Variants in TAFA5 observed in about 807,000 individuals in gnomAD.
TAFA5 encodes the protein TAFA chemokine like family member 5.
TAFA5 carries 6 observed loss-of-function variants against 15.3 expected under a neutral mutation model. The observed-to-expected ratio is 0.39, with a 90% CI of 0.21 to 0.77. The LOEUF is 0.77. Among genes scored for constraint, TAFA5 ranks in the 30% least tolerant of loss-of-function variants. The probability of loss-of-function intolerance (pLI) is 0.41; values close to 1 mark genes in which losing one functional copy is unlikely to be tolerated. For missense variants in TAFA5, 161 were observed against 193.1 expected, an observed-to-expected ratio of 0.83 and a Z score of 0.98; for synonymous variants, 103 against 80.7, an observed-to-expected ratio of 1.28 and a Z score of -1.48.
chr22:48,621,327 C>T (rs988427727), intron 1 of TAFA5, among the ~76,000 whole-genome samples: 1 of 151,162 alleles, frequency 6.6e-6, no homozygotes, highest in Non-Finnish European at 1.5e-5. Flanking sequence ...CCCACCCATC[C>T]ATCATCCATC....
At chr22:48,740,348 G>A (rs1225788697) in intron 3 of TAFA5, among the ~76,000 whole-genome samples, 2 of 152,208 alleles carry the variant, frequency 1.3e-5, no homozygotes, top group Admixed American at 6.5e-5. Flanking sequence ...CATTGGCTGC[G>A]TGGCTCTGAG....
At chr22:48,673,795 G>A (rs1927877229) in intron 2 of TAFA5, among the ~76,000 whole-genome samples, 1 of 152,160 alleles carries the variant, frequency 6.6e-6, no homozygotes, top group Non-Finnish European at 1.5e-5. Context: ...TGGAGCTGTG[G>A]TCCACACAGA....
At chr22:48,708,582 C>T (rs1325406993) in intron 3 of TAFA5, among the ~76,000 whole-genome samples, 1 of 152,210 alleles carries the variant, frequency 6.6e-6, no homozygotes, top group Non-Finnish European at 1.5e-5. Context: ...GCATGGGGCT[C>T]GGGGCATTCC....
intron 1 of TAFA5, among the ~76,000 whole-genome samples, chr22:48,594,513 A>G (rs28453811): frequency 0.44 from 67,111 of 152,076 alleles, 15,471 homozygotes; most frequent in Non-Finnish European, 0.51. Flanking sequence ...TCTCAGGGAC[A>G]TAGCCTGAAA....
Position 48,598,901 on chromosome 22 carries a change from C to T in TAFA5, c.113-47696C>T, listed in dbSNP as rs149712658. The stretch of plus-strand genomic sequence containing the variant: ...TTTCCACCACCCTCTCCTGGCATTC[C>T]GTCATTTGCGAGAATGGCCCACAAT... On this transcript the variant is annotated intron_variant, in intron 1 of 3. Coordinates refer to ENST00000402357, the MANE Select transcript of TAFA5 (RefSeq NM_001082967.3). This position sits in a 1 kb window ranked among gnomAD's most constrained non-coding sequence, Gnocchi z 4.0. Among the ~76,000 whole-genome samples the T allele has an allele frequency of 1.1e-4, 16 of 152,210 alleles. No individual in the cohort carries two copies. The East Asian group carries it at 1.4e-3, about 13-fold the overall frequency.
At chr22:48,717,089 T>C (rs1330969333) in intron 3 of TAFA5, among the ~76,000 whole-genome samples, 1 of 152,156 alleles carries the variant, frequency 6.6e-6, no homozygotes, top group Non-Finnish European at 1.5e-5. Flanking sequence ...AATGAATGAA[T>C]ACAGTCGCAT....
intron 2 of TAFA5, among the ~76,000 whole-genome samples, chr22:48,674,651 A>G (rs1382856047): frequency 1.3e-5 from 2 of 151,232 alleles, no homozygotes. Context: ...AACACGTCAC[A>G]AAGGCAGGGA....
At chr22:48,511,198 T>A (rs1332826982) in intron 1 of TAFA5, among the ~76,000 whole-genome samples, 1 of 152,182 alleles carries the variant, frequency 6.6e-6, no homozygotes, top group Non-Finnish European at 1.5e-5. Context: ...CGCTTCTTCT[T>A]CATGTGTGGA....
chr22:48,572,253 GT>G (rs775002609), intron 1 of TAFA5, among the ~76,000 whole-genome samples: 1 of 152,206 alleles, frequency 6.6e-6, no homozygotes, highest in Non-Finnish European at 1.5e-5. Context: ...AAAGGTTGAA[GT>G]GTGTGTAGTG....
rs547459641 is a variant in TAFA5, at chr22:48,553,709, C to A, written c.112+64005C>A. ...GTGGTGCAGGCCCGTCTGCCTCCCA[C>A]GGCTCTCTCTCCGGGCTGGTGGTGC... On this transcript the variant is annotated intron_variant, in intron 1 of 3. Transcript: ENST00000402357. 3.9e-5 allele frequency among the ~76,000 whole-genome samples: 6 copies of A among 152,226 alleles called. No homozygotes were observed. In the East Asian group the frequency reaches 5.8e-4, roughly 15 times the overall value.
At chr22:48,648,353 C>G (rs16999638) in intron 2 of TAFA5, among the ~76,000 whole-genome samples, 2,482 of 152,252 alleles carry the variant, frequency 0.016, 29 homozygotes, top group South Asian at 0.057. Flanking sequence ...AACTTCGGAT[C>G]CCACCGCCTC....
At position 48,550,597 on chromosome 22, in the gene TAFA5, G is replaced by A. The variant is rs1461724575; in HGVS notation, c.112+60893G>A. ...ACCCTCATCCCACGGTTCCTAGCAGGTTCCATCGCCTTCCGCACTTGATGC... is the reference window on the plus strand; with the variant it reads ...ACCCTCATCCCACGGTTCCTAGCAGATTCCATCGCCTTCCGCACTTGATGC... On this transcript the variant is annotated intron_variant, in intron 1 of 3. Coordinates refer to ENST00000402357, the MANE Select transcript of TAFA5 (RefSeq NM_001082967.3). This position sits in a 1 kb window ranked among gnomAD's most constrained non-coding sequence, Gnocchi z 4.1. 2.6e-5 allele frequency among the ~76,000 whole-genome samples: 4 copies of A among 152,164 alleles called. No individual in the cohort carries two copies. The highest frequency in any genetic ancestry group is 4.4e-5 in the Non-Finnish European group (3 of 68,026).
At chr22:48,631,204 C>T (rs1014997828) in intron 1 of TAFA5, among the ~76,000 whole-genome samples, 2 of 152,144 alleles carry the variant, frequency 1.3e-5, no homozygotes, top group Non-Finnish European at 2.9e-5. Flanking sequence ...TTGGTGTGCT[C>T]CGGGGTCTTG....
chr22:48,667,611 G>A (rs997625509), intron 2 of TAFA5, among the ~76,000 whole-genome samples: 4 of 152,172 alleles, frequency 2.6e-5, no homozygotes, highest in Non-Finnish European at 4.4e-5. Context: ...TCCGCACTGC[G>A]TTATAACTCC....
intron 1 of TAFA5, among the ~76,000 whole-genome samples, chr22:48,556,705 CGA>C (rs1923052170): frequency 1.3e-5 from 2 of 152,166 alleles, no homozygotes; most frequent in Non-Finnish European, 2.9e-5. Flanking sequence ...CAGTCCGACC[CGA>C]GAGGGAGTGA....
At chr22:48,507,748 C>CT in intron 1 of TAFA5, among the ~76,000 whole-genome samples, 1 of 152,098 alleles carries the variant, frequency 6.6e-6, no homozygotes, top group East Asian at 1.9e-4. Flanking sequence ...GGGACTGCCC[C>CT]TAGGGGTCAG....
chr22:48,685,971 G>A (rs151002226), intron 2 of TAFA5, among the ~76,000 whole-genome samples: 1 of 129,034 alleles, frequency 7.7e-6, no homozygotes, highest in African/African-American at 4.7e-5. Context: ...GGGAGTACAC[G>A]CAGGCCCCAC....
intron 3 of TAFA5, among the ~76,000 whole-genome samples, chr22:48,749,021 G>A (rs130235): frequency 0.33 from 49,768 of 152,078 alleles, 9,374 homozygotes; most frequent in Non-Finnish European, 0.43. Context: ...GGGAAGCTGA[G>A]CCCCAGGGCC....
intron 2 of TAFA5, among the ~76,000 whole-genome samples, chr22:48,669,717 G>A (rs181904583): frequency 3.2e-4 from 49 of 152,296 alleles, no homozygotes; most frequent in African/African-American, 1.0e-3. Context: ...GGGGCCATGG[G>A]AGGAGCCCCT....
Sources: gnomAD v4.1 joint callset for allele counts (sites outside exome capture counted in the v4.1 genomes callset) on GRCh38, gnomAD v4.1.1 for gene constraint, Gnocchi (gnomAD v3.1) non-coding constraint, MANE v1.5 for transcripts, NCBI Gene and HGNC (gene_info 2026-07-23, HGNC 2026-07-21) for gene names.